Variants in EXTL1 observed in about 807,000 individuals in gnomAD.
The protein encoded by EXTL1 is exostosin-like 1.
A neutral mutation model predicts 64.6 loss-of-function variants in EXTL1; 43 were observed. The ratio of observed to expected loss-of-function variants is 0.67; its 90% CI spans 0.52 to 0.86. The LOEUF (loss-of-function observed/expected upper bound fraction) is 0.86, where lower values mean the gene tolerates loss of function less well. Ranked by LOEUF, EXTL1 falls within the 40% of genes least tolerant of loss-of-function variation. The pLI, the probability that EXTL1 is intolerant of heterozygous loss-of-function variation, is 0.00. For missense variants in EXTL1, 766 were observed against 879.0 expected, an observed-to-expected ratio of 0.87 and a Z score of 1.62; for synonymous variants, 352 against 360.5, an observed-to-expected ratio of 0.98 and a Z score of 0.27.
At chr1:26,031,049 C>A (rs2050279577) in intron 4 of EXTL1, 83 bp from the exon 5 acceptor site, 3 of 1,562,956 alleles carry the variant, frequency 1.9e-6, no homozygotes, top group Non-Finnish European at 2.6e-6. Flanking sequence ...GATGCAGCTG[C>A]CACCCTCCCC....
chr1:26,029,816 G>A (rs2050262659), intron 3 of EXTL1, 109 bp downstream of exon 3: 1 of 676,682 alleles, frequency 1.5e-6, no homozygotes, highest in Non-Finnish European at 2.6e-6. Context: ...TGCCTTCTAT[G>A]GATACTGGTG....
chr1:26,035,251 G>C lies in EXTL1; in HGVS notation c.1935G>C (p.Met645Ile). 6.2e-7 allele frequency: 1 copy of C among 1,613,654 alleles called. No individual in the cohort carries two copies. The highest frequency in any genetic ancestry group is 8.5e-7 in the Non-Finnish European group (1 of 1,179,934). ...AGATAGCGGCAGCGTTCGGCCACAT[G>C]CCCTTGCTGTCCTCTCGTCTGCGTC... ...INQIAAAFGHMPLLSSRLRLD... is the reference protein window; with the variant it reads ...INQIAAAFGHIPLLSSRLRLD... The change falls in exon 11 of 11, where the codon ATG (methionine) becomes ATC (isoleucine). Residue 645 changes from methionine to isoleucine, a missense_variant. Met to Ile is a conservative substitution (Grantham distance 10, BLOSUM62 1). This residue lies in a region of EXTL1 where 194 missense variants were observed against 214.5 expected (regional missense o/e 0.90). Transcript: ENST00000374280. The surrounding 1 kb of genome is among the most constrained non-coding windows in gnomAD (Gnocchi z 5.3).
Position 26,033,358 on chromosome 1 carries a change from G to A in EXTL1, c.1518+43G>A. The A allele has an allele frequency of 2.6e-6, 4 of 1,532,986 alleles. No homozygotes were observed. The highest frequency in any genetic ancestry group is 2.7e-6 in the Non-Finnish European group (3 of 1,106,592). The allele number at this position is 1,532,986 out of a possible 1,614,324, so 95.0% of individuals were successfully genotyped here. On this transcript the variant is annotated intron_variant, in intron 8 of 10. Coordinates refer to ENST00000374280, the MANE Select transcript of EXTL1 (RefSeq NM_004455.3). This position sits in a 1 kb window ranked among gnomAD's most constrained non-coding sequence, Gnocchi z 5.1. ...GAGAAGCCCAGTGTGGGTAGACACA[G>A]AGCCAGAGGGCCCTGGCAGCCCCTC...
chr1:26,030,350 T>TTTTA, intron 3 of EXTL1, 126 bp from the exon 4 acceptor site: 2 of 557,060 alleles, frequency 3.6e-6, no homozygotes, highest in Non-Finnish European at 2.8e-6. Flanking sequence ...TTTTTTTTTT[T>TTTTA]GAGATAGGAT....
rs763768686 is a variant in EXTL1, at chr1:26,022,967, C to T, written c.321C>T (p.Ile107=). 7 of 1,614,208 alleles carry T rather than the reference C, an allele frequency of 4.3e-6. No individual in the cohort carries two copies. The highest frequency in any genetic ancestry group is 1.7e-5 in the Admixed American group (1 of 60,032). ...TCGTGTACCCAGCGGTTGGAACCAT[C>T]TCTGAGACTCATCGCAGGATCCTGG... ...KVFVYPAVGT[I]SETHRRILAS... Residue 107 remains isoleucine, a synonymous_variant, in exon 1 of 11, where the codon ATC becomes ATT. Coordinates refer to ENST00000374280, the MANE Select transcript of EXTL1 (RefSeq NM_004455.3).
At chr1:26,032,536 G>A (rs1316975013) in intron 7 of EXTL1, 51 bp downstream of exon 7, 15 of 1,420,030 alleles carry the variant, frequency 1.1e-5, no homozygotes, top group Non-Finnish European at 1.5e-5. Context: ...TGGGAGCTGG[G>A]GGAGGGCACC....
rs1374003754 is a variant in EXTL1 at position 26,025,829 on chromosome 1, T to C, written c.779+2404T>C. 6.6e-6 allele frequency among the ~76,000 whole-genome samples: 1 copy of C among 152,158 alleles called. No homozygotes were observed. The highest frequency in any genetic ancestry group is 6.5e-5 in the Admixed American group (1 of 15,268). The stretch of plus-strand genomic sequence containing the variant: ...TCTGCGTGTGTACAAGCAATATGTA[T>C]ATTCTCCCCCATTTTTTAACATAAA... On this transcript the variant is annotated intron_variant, in intron 1 of 10. Transcript: ENST00000374280. This position sits in a 1 kb window ranked among gnomAD's most constrained non-coding sequence, Gnocchi z 5.3.
rs1325714950 is a variant in EXTL1 at position 26,033,769 on chromosome 1, G to T, written c.1592G>T (p.Trp531Leu). 11 of 1,614,074 alleles carry T rather than the reference G, an allele frequency of 6.8e-6. No individual in the cohort carries two copies. Among genetic ancestry groups the T allele is most frequent in the Non-Finnish European group, 7.6e-6 (9 of 1,180,044 alleles). The change falls in exon 9 of 11, where the codon TGG becomes TTG. Residue 531 changes from tryptophan to leucine, a missense_variant. By Grantham distance (61) the Trp-to-Leu change is moderately conservative. Around this residue, in one of 3 missense-constraint regions of EXTL1, gnomAD observed 194 missense variants for 214.5 expected, o/e 0.90. Coordinates refer to ENST00000374280, the MANE Select transcript of EXTL1 (RefSeq NM_004455.3). This position sits in a 1 kb window ranked among gnomAD's most constrained non-coding sequence, Gnocchi z 5.1. Reference protein sequence around the residue: ...MVGFLTSSHFWDEAHGGWGYT... With the variant: ...MVGFLTSSHFLDEAHGGWGYT... ...GGCTTCCTGACGTCGAGCCATTTCT[G>T]GGACGAGGCCCATGGTGGCTGGGGC...
chr1:26,024,056 T>C (rs80055866), intron 1 of EXTL1, among the ~76,000 whole-genome samples: 2,716 of 152,332 alleles, frequency 0.018, 97 homozygotes, highest in African/African-American at 0.06. Context: ...CCTTTGGTTA[T>C]AGCAAATATG....
Position 26,035,153 on chromosome 1 carries a change from T to C in EXTL1, c.1849-12T>C, listed in dbSNP as rs749642003. ...GAGAAGCCCGTTAATGCATTGCTTCTTTCCCTCTTAGGCGCCTGGGGGCCC... is the reference window on the plus strand; with the variant it reads ...GAGAAGCCCGTTAATGCATTGCTTCCTTCCCTCTTAGGCGCCTGGGGGCCC... On this transcript the variant is annotated splice_polypyrimidine_tract_variant and intron_variant, in intron 10 of 10. Coordinates refer to ENST00000374280, the MANE Select transcript of EXTL1 (RefSeq NM_004455.3). The surrounding 1 kb of genome is among the most constrained non-coding windows in gnomAD (Gnocchi z 5.3). 2 of 1,596,310 alleles carry C rather than the reference T, an allele frequency of 1.3e-6. No homozygotes were observed. The highest frequency in any genetic ancestry group is 1.1e-5 in the South Asian group (1 of 90,268).
rs1160382180 is a variant in EXTL1 at position 26,022,060 on chromosome 1, G to C, written c.-587G>C. On this transcript the variant is annotated 5_prime_UTR_variant, in exon 1 of 11. Transcript: ENST00000374280. The stretch of plus-strand genomic sequence containing the variant: ...ACATGGGATGCAGGGTCTAATTTTA[G>C]CTCCAGCCACAGGGGCCACAGCCCA... 3 of 152,556 alleles carry C rather than the reference G, an allele frequency of 2.0e-5. No individual in the cohort carries two copies. The highest frequency in any genetic ancestry group is 7.2e-5 in the African/African-American group (3 of 41,472). 9.5% of individuals were successfully genotyped at this position (152,556 alleles called of 1,614,324 possible).
Position 26,025,045 on chromosome 1 carries a change from G to A in EXTL1, c.779+1620G>A, listed in dbSNP as rs2050199991. 6.6e-6 allele frequency among the ~76,000 whole-genome samples: 1 copy of A among 152,170 alleles called. No individual in the cohort carries two copies. Among genetic ancestry groups the A allele is most frequent in the Non-Finnish European group, 1.5e-5 (1 of 68,034 alleles). ...TTTTGATAAGTTTTATTTCCCAGGG[G>A]CGAAGCTTGGCAGCCTTGGACTCTG... On this transcript the variant is annotated intron_variant, in intron 1 of 10. Coordinates refer to ENST00000374280, the MANE Select transcript of EXTL1 (RefSeq NM_004455.3). This position sits in a 1 kb window ranked among gnomAD's most constrained non-coding sequence, Gnocchi z 5.3.
At position 26,035,781 on chromosome 1, in the gene EXTL1, C is replaced by T. The variant is rs2050334319; in HGVS notation, c.*434C>T. On this transcript the variant is annotated 3_prime_UTR_variant, in exon 11 of 11. Transcript: ENST00000374280. This position sits in a 1 kb window ranked among gnomAD's most constrained non-coding sequence, Gnocchi z 5.3. ...CCCCGGGGGGCGGGTCGTGTCGTGTCCTTTTCTCTCTGGCTAGGCAGGTGT... is the reference window on the plus strand; with the variant it reads ...CCCCGGGGGGCGGGTCGTGTCGTGTTCTTTTCTCTCTGGCTAGGCAGGTGT... 1 of 169,574 alleles carries T rather than the reference C, an allele frequency of 5.9e-6. No homozygotes were observed. Among genetic ancestry groups the T allele is most frequent in the African/African-American group, 2.4e-5 (1 of 42,110 alleles). 10.5% of individuals were successfully genotyped at this position (169,574 alleles called of 1,614,324 possible).
chr1:26,023,528 A>G, intron 1 of EXTL1, 103 bp downstream of exon 1: 3 of 1,224,284 alleles, frequency 2.5e-6, no homozygotes, highest in Non-Finnish European at 3.2e-6. Flanking sequence ...AGAACCAGGT[A>G]GTCCTGGTAG....
intron 4 of EXTL1, 132 bp from the exon 5 acceptor site, chr1:26,031,000 C>G: frequency 9.3e-7 from 1 of 1,070,562 alleles, no homozygotes; most frequent in Non-Finnish European, 1.4e-6. Context: ...ATGGAGTGCC[C>G]CCTACTCTAG....
chr1:26,022,910 C>T lies in EXTL1; in HGVS notation c.264C>T (p.Thr88=), dbSNP rs1163041568. 1 of 1,614,088 alleles carries T rather than the reference C, an allele frequency of 6.2e-7. No homozygotes were observed. The highest frequency in any genetic ancestry group is 1.1e-5 in the South Asian group (1 of 91,080). ...GCAACTGGGAATCTTGCTTTGATAC[C>T]TCAAAGTGCAGGGGCGATGGCCTTA... ...GSCNWESCFD[T]SKCRGDGLKV... The change falls in exon 1 of 11, where the codon ACC becomes ACT. Residue 88 remains threonine (T), a synonymous_variant. Coordinates refer to ENST00000374280, the MANE Select transcript of EXTL1 (RefSeq NM_004455.3).
chr1:26,034,600 G>C lies in EXTL1; in HGVS notation c.1680-236G>C, dbSNP rs566028593. 7.3e-4 allele frequency among the ~76,000 whole-genome samples: 111 copies of C among 152,278 alleles called. No homozygotes were observed. Among genetic ancestry groups the C allele is most frequent in the African/African-American group, 2.6e-3 (106 of 41,552 alleles). ...GTTCAGCGCTCAGAGCCCAAGGATG[G>C]GGGGCCCAAGGAGCTGTGAGGGAGA... is the stretch of plus-strand genomic sequence containing the variant. On this transcript the variant is annotated intron_variant, in intron 9 of 10. Transcript: ENST00000374280. The surrounding 1 kb of genome is among the most constrained non-coding windows in gnomAD (Gnocchi z 4.6).
rs140104703 is a variant in EXTL1 at position 26,030,517 on chromosome 1, C to T, written c.1023C>T (p.Leu341=). The T allele has an allele frequency of 3.1e-4, 495 of 1,613,392 alleles. 2 individuals carry two copies. In the African/African-American group the frequency reaches 6.1e-3, roughly 20 times the overall value. The change falls in exon 4 of 11, where the codon CTC becomes CTT. Residue 341 remains leucine (L), a synonymous_variant. Coordinates refer to ENST00000374280, the MANE Select transcript of EXTL1 (RefSeq NM_004455.3). The part of the protein sequence containing the change: ...ALQEMSPARV[L]ALRQQTQFLW... ...AGGAGATGTCCCCTGCACGGGTCCTCGCCCTGCGTCAGCAGACCCAGTTTC... is the reference window on the plus strand; with the variant it reads ...AGGAGATGTCCCCTGCACGGGTCCTTGCCCTGCGTCAGCAGACCCAGTTTC...
In EXTL1 at chr1:26,035,571, G is replaced by C. The variant is rs938442218; in HGVS notation, c.*224G>C. The C allele has an allele frequency of 4.4e-6, 2 of 451,872 alleles. No individual in the cohort carries two copies. Among genetic ancestry groups the C allele is most frequent in the Admixed American group, 3.6e-5 (1 of 27,458 alleles). The allele number at this position is 451,872 out of a possible 1,614,324, so 28.0% of individuals were successfully genotyped here. A position where few individuals can be genotyped will look rare whatever the true frequency, so the allele number is the denominator to read the frequency against. ...TCTGCGGAGGCTGAGCCCCGCGACC[G>C]GAGCGCCGCTCTCCGCTTCTCCACC... On this transcript the variant is annotated 3_prime_UTR_variant, in exon 11 of 11. Transcript: ENST00000374280. The surrounding 1 kb of genome is among the most constrained non-coding windows in gnomAD (Gnocchi z 5.3).
Sources: gnomAD v4.1 joint callset for allele counts (sites outside exome capture counted in the v4.1 genomes callset) on GRCh38, gnomAD v4.1.1 for gene constraint, gnomAD v4.1.1 regional missense constraint, Gnocchi (gnomAD v3.1) non-coding constraint, MANE v1.5 for transcripts, NCBI Gene and HGNC (gene_info 2026-07-23, HGNC 2026-07-21) for gene names.